TAF3: variants seen among roughly 807,000 people sequenced by gnomAD.
The protein encoded by TAF3 is TATA-box binding protein associated factor 3, also known as transcription initiation factor TFIID subunit 3.
TAF3 carries 7 observed loss-of-function variants against 80.6 expected under a neutral mutation model. That is an observed-to-expected ratio of 0.09 (90% CI 0.05 to 0.16). The LOEUF (loss-of-function observed/expected upper bound fraction) is 0.16. Among genes scored for constraint, TAF3 ranks in the 10% least tolerant of loss-of-function variants. The pLI, the probability that TAF3 is intolerant of heterozygous loss-of-function variation, is 1.00. For missense variants in TAF3, 921 were observed against 1,140.2 expected (o/e 0.81, Z 2.77); for synonymous variants, 444 against 446.1 (o/e 1.00, Z 0.06).
intron 4 of TAF3, among the ~76,000 whole-genome samples, chr10:7,995,476 A>G (rs1020916207): frequency 1.3e-5 from 2 of 152,166 alleles, no homozygotes; most frequent in African/African-American, 4.8e-5. Flanking sequence ...TTTCTAGTGT[A>G]TCTCATTGCA....
Position 7,829,057 on chromosome 10 carries a change from A to T in TAF3, c.409+4497A>T, listed in dbSNP as rs12782467. ...AAAAAAAAAAAAAAAAAAAAAAAAA[A>T]GGAATATAAACCATGTACCCTGACT... is the stretch of plus-strand genomic sequence containing the variant. On this transcript the variant is annotated intron_variant, in intron 2 of 6. Transcript: ENST00000344293. 5.2e-3 allele frequency among the ~76,000 whole-genome samples: 699 copies of T among 133,182 alleles called. 10 individuals are homozygous for T. The highest frequency in any genetic ancestry group is 0.019 in the African/African-American group (675 of 36,308). 87.4% of individuals were successfully genotyped at this position (133,182 alleles called of 152,430 possible). A position where few individuals can be genotyped will look rare whatever the true frequency, so the allele number is the denominator to read the frequency against.
chr10:7,859,298 A>G (rs1175187758), intron 2 of TAF3, among the ~76,000 whole-genome samples: 1 of 147,446 alleles, frequency 6.8e-6, no homozygotes, highest in East Asian at 2.0e-4. Flanking sequence ...AAATAAATAA[A>G]TAAATAAATA....
intron 2 of TAF3, among the ~76,000 whole-genome samples, chr10:7,935,893 G>A (rs1272916048): frequency 2.6e-5 from 4 of 152,138 alleles, no homozygotes; most frequent in Non-Finnish European, 5.9e-5. Flanking sequence ...CCATGACGAG[G>A]GCTTCAGGTA....
chr10:7,953,179 G>A (rs1353945883), intron 2 of TAF3, among the ~76,000 whole-genome samples: 2 of 152,146 alleles, frequency 1.3e-5, no homozygotes, highest in East Asian at 3.9e-4. Flanking sequence ...TTTCACTTCG[G>A]TTCCATTTTC....
At chr10:7,892,267 G>C (rs1041133746) in intron 2 of TAF3, among the ~76,000 whole-genome samples, 1 of 152,216 alleles carries the variant, frequency 6.6e-6, no homozygotes, top group Non-Finnish European at 1.5e-5. Flanking sequence ...AGATCAATAA[G>C]CAGATTTAGC....
intron 2 of TAF3, among the ~76,000 whole-genome samples, chr10:7,907,039 G>A (rs943671327): frequency 6.6e-6 from 1 of 152,024 alleles, no homozygotes; most frequent in East Asian, 1.9e-4. Context: ...ACTGTCATTG[G>A]GTGGACAGTG....
At chr10:7,834,007 A>G (rs1438523221) in intron 2 of TAF3, 1 of 209,406 alleles carries the variant, frequency 4.8e-6, no homozygotes, top group Non-Finnish European at 1.0e-5. Context: ...TGTTCTTTCT[A>G]TAGAGTTGTT....
intron 2 of TAF3, among the ~76,000 whole-genome samples, chr10:7,859,042 C>G (rs764748826): frequency 1.3e-5 from 2 of 152,026 alleles, no homozygotes; most frequent in Non-Finnish European, 2.9e-5. Context: ...GCGGGCAGAT[C>G]ACGAGGTCAG....
Position 7,964,629 on chromosome 10 carries a change from T to G in TAF3, c.1119T>G (p.Ser373Arg). Reference protein sequence around the residue: ...QTPPDAGKLNSENQPKKAVVA... With the variant: ...QTPPDAGKLNRENQPKKAVVA... Reference sequence around the variant, plus strand: ...CCCCTGATGCTGGGAAACTGAACAGTGAGAATCAGCCGAAAAAGGCTGTGG... The same window carrying G: ...CCCCTGATGCTGGGAAACTGAACAGGGAGAATCAGCCGAAAAAGGCTGTGG... The change falls in exon 3 of 7, where the codon AGT (serine) becomes AGG (arginine). Residue 373 changes from serine (S) to arginine (R), a missense_variant. Physicochemically the swap from Ser to Arg is moderately radical, Grantham distance 110 (BLOSUM62 -1). Around this residue, in one of 6 missense-constraint regions of TAF3, gnomAD observed 743 missense variants for 821.0 expected, o/e 0.90. Coordinates refer to ENST00000344293, the MANE Select transcript of TAF3 (RefSeq NM_031923.4). The surrounding 1 kb of genome is among the most constrained non-coding windows in gnomAD (Gnocchi z 4.1). 1.2e-6 allele frequency: 2 copies of G among 1,613,910 alleles called. No individual in the cohort carries two copies. The highest frequency in any genetic ancestry group is 3.3e-5 in the Admixed American group (2 of 60,012).
intron 2 of TAF3, among the ~76,000 whole-genome samples, chr10:7,877,595 T>C (rs1837322619): frequency 6.6e-6 from 1 of 152,216 alleles, no homozygotes; most frequent in Admixed American, 6.5e-5. Context: ...ATTGCTTTGA[T>C]ATAATGAATA....
At chr10:7,958,041 A>G (rs1006835701) in intron 2 of TAF3, among the ~76,000 whole-genome samples, 1 of 152,186 alleles carries the variant, frequency 6.6e-6, no homozygotes, top group African/African-American at 2.4e-5. Flanking sequence ...CATTTGTAGG[A>G]TATTTTACAG....
At chr10:7,856,255 C>T (rs962505772) in intron 2 of TAF3, among the ~76,000 whole-genome samples, 10 of 152,056 alleles carry the variant, frequency 6.6e-5, no homozygotes, top group African/African-American at 2.2e-4. Flanking sequence ...GCGGGCGGAT[C>T]ACTTGAGGTC....
chr10:7,942,055 A>G (rs1358930301), intron 2 of TAF3, among the ~76,000 whole-genome samples: 1 of 152,174 alleles, frequency 6.6e-6, no homozygotes, highest in Non-Finnish European at 1.5e-5. Flanking sequence ...GGGTTGTATC[A>G]TGTGCCTCCA....
intron 2 of TAF3, among the ~76,000 whole-genome samples, chr10:7,932,960 G>A (rs995585750): frequency 6.4e-4 from 98 of 152,000 alleles, no homozygotes; most frequent in African/African-American, 2.2e-3. Flanking sequence ...GGTTACAGGC[G>A]TGAACCTCTG....
chr10:7,890,274 C>T (rs1419653230), intron 2 of TAF3, among the ~76,000 whole-genome samples: 1 of 152,202 alleles, frequency 6.6e-6, no homozygotes, highest in Non-Finnish European at 1.5e-5. Context: ...TTTTAAGATT[C>T]AGTTCATTTC....
intron 1 of TAF3, among the ~76,000 whole-genome samples, chr10:7,820,332 G>A (rs947960354): frequency 6.6e-6 from 1 of 152,068 alleles, no homozygotes; most frequent in Admixed American, 6.5e-5. Flanking sequence ...GATTATATTT[G>A]TATTCTGTAA....
At position 7,939,577 on chromosome 10, in the gene TAF3, T is replaced by TACACACACACACAC. The variant is rs71385681; in HGVS notation, c.410-24312_410-24299dup. Reference sequence around the variant, plus strand: ...GACAATGTAGGAAATAGAAGAAAACTACACACACACACACACACACACACA... The same window carrying TACACACACACACAC: ...GACAATGTAGGAAATAGAAGAAAACTACACACACACACACACACACACACACACACACACACACA... On this transcript the variant is annotated intron_variant, in intron 2 of 6. Transcript: ENST00000344293. Among the ~76,000 whole-genome samples the TACACACACACACAC allele has an allele frequency of 2.9e-5, 4 of 139,204 alleles. 1 individual carries two copies. The highest frequency in any genetic ancestry group is 8.1e-5 in the African/African-American group (3 of 36,862). The allele number at this position is 139,204 out of a possible 152,430, so 91.3% of individuals were successfully genotyped here.
intron 4 of TAF3, among the ~76,000 whole-genome samples, chr10:7,999,438 AGAAAG>A (rs374218228): frequency 0.024 from 3,572 of 147,934 alleles, 85 homozygotes; most frequent in African/African-American, 0.05. Flanking sequence ...AAAAAAAAAA[AGAAAG>A]AAAGAAAGAA....
At chr10:7,938,242 G>A (rs1019398492) in intron 2 of TAF3, among the ~76,000 whole-genome samples, 3 of 152,154 alleles carry the variant, frequency 2.0e-5, no homozygotes, top group Admixed American at 6.5e-5. Flanking sequence ...TGGGAGTTTG[G>A]TGTGGCTAGG....
Sources: gnomAD v4.1 joint callset for allele counts (sites outside exome capture counted in the v4.1 genomes callset) on GRCh38, gnomAD v4.1.1 for gene constraint, gnomAD v4.1.1 regional missense constraint, Gnocchi (gnomAD v3.1) non-coding constraint, MANE v1.5 for transcripts, NCBI Gene and HGNC (gene_info 2026-07-23, HGNC 2026-07-21) for gene names.